The following ATL1 variants were observed in gnomAD, a reference collection of about 807,000 sequenced individuals.
ATL1 encodes atlastin GTPase 1.
A neutral mutation model predicts 75.5 loss-of-function variants in ATL1; 31 were observed. The observed-to-expected ratio is 0.41, with a 90% CI of 0.31 to 0.55. The LOEUF (loss-of-function observed/expected upper bound fraction) is 0.55. Ranked by LOEUF, ATL1 falls within the 20% of genes least tolerant of loss-of-function variation. ATL1 has a pLI of 0.27. For missense variants in ATL1, 405 were observed against 662.6 expected, an observed-to-expected ratio of 0.61 and a Z score of 4.27; for synonymous variants, 226 against 233.3, an observed-to-expected ratio of 0.97 and a Z score of 0.28.
intron 1 of ATL1, among the ~76,000 whole-genome samples, chr14:50,567,611 T>C (rs1231864063): frequency 6.6e-6 from 1 of 152,228 alleles, no homozygotes; most frequent in Non-Finnish European, 1.5e-5. Context: ...TTTTTTCATA[T>C]CTTCGCCAAC....
chr14:50,586,121 A>G (rs1340837267), intron 1 of ATL1, among the ~76,000 whole-genome samples: 2 of 152,212 alleles, frequency 1.3e-5, no homozygotes, highest in East Asian at 3.8e-4. Flanking sequence ...ATCTAGTTAT[A>G]AAACTTCTTA....
chr14:50,575,513 A>G (rs2038997853), intron 1 of ATL1, among the ~76,000 whole-genome samples: 2 of 152,134 alleles, frequency 1.3e-5, no homozygotes, highest in South Asian at 4.1e-4. Context: ...TTGTCTCTGT[A>G]TAAACTCTTT....
intron 1 of ATL1, among the ~76,000 whole-genome samples, chr14:50,577,166 G>A (rs907470809): frequency 2.0e-5 from 3 of 152,070 alleles, no homozygotes; most frequent in Non-Finnish European, 4.4e-5. Flanking sequence ...GGGTTCAAGC[G>A]ATTCTCCTGC....
upstream of ATL1, chr14:50,559,503 G>A (rs2038807359): frequency 6.6e-6 from 1 of 152,154 alleles, no homozygotes; most frequent in Admixed American, 6.5e-5. Flanking sequence ...AGACTATGTA[G>A]TATGATTTCA....
chr14:50,572,255 A>G (rs1595588129), intron 1 of ATL1: 1 of 204,872 alleles, frequency 4.9e-6, no homozygotes, highest in East Asian at 1.4e-4. Flanking sequence ...AGTAGGGGAC[A>G]TTTCCTTTTT....
chr14:50,538,528 A>G (rs1265146267), intron 1 of ATL1, among the ~76,000 whole-genome samples: 3 of 152,242 alleles, frequency 2.0e-5, no homozygotes, highest in Non-Finnish European at 4.4e-5. Context: ...CAGATTACAA[A>G]TAATCTTACA....
At chr14:50,537,130 G>T (rs1428504706) in intron 1 of ATL1, among the ~76,000 whole-genome samples, 1 of 152,182 alleles carries the variant, frequency 6.6e-6, no homozygotes, top group Non-Finnish European at 1.5e-5. Flanking sequence ...CTAGGCCCAG[G>T]GTCCCTGTGC....
intron 1 of ATL1, among the ~76,000 whole-genome samples, chr14:50,562,987 C>T (rs1435976307): frequency 6.6e-6 from 1 of 152,176 alleles, no homozygotes; most frequent in Non-Finnish European, 1.5e-5. Flanking sequence ...TGCTGTAATA[C>T]TCATTTTACA....
rs138288821 is a variant in ATL1 at position 50,552,452 on chromosome 14, T to C, written c.-139-7675T>C. ...CATGACCATACTGCCAAAAGCAATA[T>C]ACAGATGCAATGCAATTCCCATCAA... On this transcript the variant is annotated intron_variant, in intron 1 of 13. Transcript: ENST00000441560. Among the ~76,000 whole-genome samples the C allele has an allele frequency of 2.0e-5, 3 of 152,270 alleles. No individual in the cohort carries two copies. In the East Asian group the frequency reaches 5.8e-4, roughly 29 times the overall value.
intron 1 of ATL1, among the ~76,000 whole-genome samples, chr14:50,546,089 CAATTCTAACTAAAATGTAAAT>C (rs1455502589): frequency 2.0e-5 from 3 of 152,026 alleles, no homozygotes; most frequent in Non-Finnish European, 4.4e-5. Context: ...ACAGGTCAGA[CAATTCTAACTAAAATGTAAAT>C]GTTAGAAACT....
rs1166643510 is a variant in ATL1, at chr14:50,625,358, A to AGCAGCAAATCTTGATGTAGAAGCT, written c.1119+2111_1119+2134dup. On this transcript the variant is annotated intron_variant, in intron 11 of 13. Coordinates refer to ENST00000358385, the MANE Select transcript of ATL1 (RefSeq NM_015915.5). ...CTCCGTAACATAAAGTGCAAGGTGA[A>AGCAGCAAATCTTGATGTAGAAGCT]GCAGCAAATCTTGATGTAGAAGCTA... Among the ~76,000 whole-genome samples, 4 of 152,362 alleles carry AGCAGCAAATCTTGATGTAGAAGCT rather than the reference A, an allele frequency of 2.6e-5. No homozygotes were observed. The East Asian group carries it at 7.7e-4, about 29-fold the overall frequency.
intron 1 of ATL1, among the ~76,000 whole-genome samples, chr14:50,587,457 C>G (rs2140201175): frequency 6.6e-6 from 1 of 152,156 alleles, no homozygotes; most frequent in African/African-American, 2.4e-5. Flanking sequence ...ATTGTCCAGG[C>G]TGGAGTGCAG....
At chr14:50,544,080 C>T in intron 1 of ATL1, among the ~76,000 whole-genome samples, 1 of 152,210 alleles carries the variant, frequency 6.6e-6, no homozygotes, top group East Asian at 1.9e-4. Flanking sequence ...AAGACTATGT[C>T]TGGAATCCCA....
intron 11 of ATL1, among the ~76,000 whole-genome samples, chr14:50,623,629 A>C (rs1395685336): frequency 6.6e-6 from 1 of 152,130 alleles, no homozygotes; most frequent in African/African-American, 2.4e-5. Context: ...GGAAAAAAAA[A>C]ACAAAAACCC....
At chr14:50,615,202 C>T (rs1001484429) in intron 8 of ATL1, among the ~76,000 whole-genome samples, 4 of 152,300 alleles carry the variant, frequency 2.6e-5, no homozygotes, top group Middle Eastern at 3.4e-3. Context: ...TGTAGACATA[C>T]GCTTTGTAGT....
Position 50,629,926 on chromosome 14 carries a change from G to GAAT in ATL1, c.1552-68_1552-67insATA, listed in dbSNP as rs3080581. The GAAT allele has an allele frequency of 0.16, 195,877 of 1,213,532 alleles. 22,006 individuals carry two copies. The highest frequency in any genetic ancestry group is 0.54 in the African/African-American group (34,896 of 64,594). 75.2% of individuals were successfully genotyped at this position (1,213,532 alleles called of 1,614,324 possible). ...ACAAATTAATATTGTAAGCAAAGTT[G>GAAT]ATTATAATGCTGTTAATAAAGCAGG... On this transcript the variant is annotated intron_variant, in intron 12 of 13. Coordinates refer to ENST00000358385, the MANE Select transcript of ATL1 (RefSeq NM_015915.5).
chr14:50,585,463 C>A (rs761580272), intron 1 of ATL1, among the ~76,000 whole-genome samples: 1 of 152,086 alleles, frequency 6.6e-6, no homozygotes, highest in East Asian at 1.9e-4. Flanking sequence ...AGGCAAGGAG[C>A]GTCATCAAAT....
At chr14:50,611,149 T>A (rs552788566) in intron 6 of ATL1, among the ~76,000 whole-genome samples, 1 of 152,046 alleles carries the variant, frequency 6.6e-6, no homozygotes, top group Non-Finnish European at 1.5e-5. Flanking sequence ...AGAGGACTGT[T>A]CAGAGAGAGA....
At chr14:50,591,899 T>A (rs1268787902) in intron 4 of ATL1, 1 of 408,790 alleles carries the variant, frequency 2.4e-6, no homozygotes, top group African/African-American at 2.0e-5. Context: ...TTTGTTGTTG[T>A]TGTTTAAAGC....
Sources: allele counts gnomAD v4.1 joint callset (sites outside exome capture counted in the v4.1 genomes callset), GRCh38; gene constraint gnomAD v4.1.1; transcripts MANE v1.5; gene names NCBI Gene and HGNC (gene_info 2026-07-23, HGNC 2026-07-21).